The following CTBP2 variants were observed in gnomAD, a reference collection of about 807,000 sequenced individuals.
CTBP2 encodes the protein C-terminal-binding protein 2.
A neutral mutation model predicts 80.3 loss-of-function variants in CTBP2; 30 were observed. The observed-to-expected ratio is 0.37, with a 90% CI of 0.28 to 0.51. The LOEUF is 0.51. Among genes scored for constraint, CTBP2 ranks in the 20% least tolerant of loss-of-function variants. CTBP2 has a pLI of 0.93. For missense variants in CTBP2, 1,212 were observed against 1,375.3 expected, an observed-to-expected ratio of 0.88 and a Z score of 1.88; for synonymous variants, 594 against 587.4, an observed-to-expected ratio of 1.01 and a Z score of -0.16.
intron 2 of CTBP2, among the ~76,000 whole-genome samples, chr10:125,055,523 T>C (rs1178319422): frequency 7.9e-5 from 12 of 152,130 alleles, no homozygotes; most frequent in African/African-American, 2.9e-4. Flanking sequence ...TAGTCCTATG[T>C]CCTTAGGACC....
intron 2 of CTBP2, chr10:125,100,671 TGA>T (rs1850475587): frequency 6.6e-6 from 1 of 152,200 alleles, no homozygotes; most frequent in Non-Finnish European, 1.5e-5. Context: ...GAGATAAGGA[TGA>T]GAGGAAAAAC....
At chr10:125,072,634 G>GAAAAAAA (rs55742060) in intron 2 of CTBP2, among the ~76,000 whole-genome samples, 26 of 100,142 alleles carry the variant, frequency 2.6e-4, no homozygotes, top group East Asian at 6.0e-4. Flanking sequence ...AAAAAGAAAA[G>GAAAAAAA]AAAAAAAAAA....
At chr10:125,151,703 C>T (rs1041191) in intron 1 of CTBP2, among the ~76,000 whole-genome samples, 111,088 of 152,162 alleles carry the variant, frequency 0.73, 41,416 homozygotes, top group African/African-American at 0.84. Flanking sequence ...ACCAGGTCCC[C>T]GCCCCTGCTC....
chr10:125,064,598 C>CA (rs1452918384), intron 2 of CTBP2, among the ~76,000 whole-genome samples: 1 of 152,212 alleles, frequency 6.6e-6, no homozygotes, highest in African/African-American at 2.4e-5. Context: ...TATTTATAGT[C>CA]AGAGTGCGTG....
intron 1 of CTBP2, among the ~76,000 whole-genome samples, chr10:125,015,007 C>A (rs896100992): frequency 6.6e-6 from 1 of 152,192 alleles, no homozygotes; most frequent in East Asian, 1.9e-4. Flanking sequence ...AGATACTCTG[C>A]GGTGTGGAGG....
intron 2 of CTBP2, among the ~76,000 whole-genome samples, chr10:125,105,780 T>C (rs1201579507): frequency 6.6e-6 from 1 of 152,096 alleles, no homozygotes; most frequent in African/African-American, 2.4e-5. Context: ...CAGAAAGAAA[T>C]AACCTTTTCC....
chr10:124,996,056 T>TTTTTTG (rs1565023420), intron 4 of CTBP2: 1 of 150,696 alleles, frequency 6.6e-6, no homozygotes, highest in African/African-American at 2.5e-5. Context: ...TTGTTTTTTT[T>TTTTTTG]TTTTTTTTTT....
At chr10:125,127,953 G>A (rs1021680893) in intron 1 of CTBP2, among the ~76,000 whole-genome samples, 1 of 152,162 alleles carries the variant, frequency 6.6e-6, no homozygotes, top group African/African-American at 2.4e-5. Context: ...CCTGAAAGAG[G>A]TAGGATATAA....
In CTBP2 at chr10:125,065,994, A is replaced by T. The variant is rs3889907; in HGVS notation, c.-101-26839T>A. Among the ~76,000 whole-genome samples the T allele has an allele frequency of 8.4e-3, 1,275 of 151,198 alleles. 18 individuals are homozygous for T. The highest frequency in any genetic ancestry group is 0.029 in the African/African-American group (1,202 of 41,058). ...CATGCGCCTGTAATCCCAGCTACCC[A>T]GGTGGCTGAGGTGGGAGGATCGCTT... is the stretch of plus-strand genomic sequence containing the variant. On this transcript the variant is annotated intron_variant, in intron 2 of 10. Coordinates refer to the CTBP2 transcript ENST00000337195.
chr10:125,006,025 C>G (rs753802165), intron 1 of CTBP2: 39 of 1,416,746 alleles, frequency 2.8e-5, no homozygotes, highest in Non-Finnish European at 3.5e-5. Flanking sequence ...AGATGTCCAT[C>G]CGCAGCATCA....
chr10:125,111,938 G>A (rs1192251685), intron 1 of CTBP2, among the ~76,000 whole-genome samples: 1 of 152,060 alleles, frequency 6.6e-6, no homozygotes, highest in East Asian at 1.9e-4. Context: ...TAACTGGAGA[G>A]CCCATGTATG....
At chr10:125,152,456 C>G (rs984202744) in intron 1 of CTBP2, among the ~76,000 whole-genome samples, 3 of 152,226 alleles carry the variant, frequency 2.0e-5, no homozygotes, top group African/African-American at 7.2e-5. Context: ...CCCAGGCCCC[C>G]CACACCGCGA....
intron 2 of CTBP2, among the ~76,000 whole-genome samples, chr10:125,082,292 G>A (rs570669118): frequency 3.3e-5 from 5 of 152,302 alleles, no homozygotes; most frequent in African/African-American, 1.2e-4. Flanking sequence ...GGCCAGATGG[G>A]CTGCCTCTTA....
intron 2 of CTBP2, among the ~76,000 whole-genome samples, chr10:125,080,873 C>A (rs540246447): frequency 6.6e-6 from 1 of 150,824 alleles, no homozygotes; most frequent in East Asian, 2.0e-4. Context: ...GTCACCTCCA[C>A]AAATTAAGGG....
intron 1 of CTBP2, among the ~76,000 whole-genome samples, chr10:125,122,432 AGCAT>A (rs1854490801): frequency 6.6e-6 from 1 of 152,258 alleles, no homozygotes; most frequent in South Asian, 2.1e-4. Flanking sequence ...TTTTCACTGA[AGCAT>A]GCCAAAGCCA....
intron 2 of CTBP2, among the ~76,000 whole-genome samples, chr10:125,049,931 G>C (rs377630609): frequency 6.6e-6 from 1 of 152,192 alleles, no homozygotes; most frequent in Non-Finnish European, 1.5e-5. Context: ...CACCGCCCCA[G>C]TGCACAGCTC....
chr10:125,139,510 A>G (rs1857464694), intron 1 of CTBP2, among the ~76,000 whole-genome samples: 1 of 151,790 alleles, frequency 6.6e-6, no homozygotes, highest in Non-Finnish European at 1.5e-5. Context: ...AATACTGCAC[A>G]CCCCTAAAAG....
intron 2 of CTBP2, among the ~76,000 whole-genome samples, chr10:125,053,983 C>T (rs1392950757): frequency 1.3e-5 from 2 of 152,086 alleles, no homozygotes; most frequent in African/African-American, 4.8e-5. Context: ...AATCCGAAGC[C>T]GGATAGCTCT....
intron 2 of CTBP2, among the ~76,000 whole-genome samples, chr10:125,081,363 T>C (rs554316956): frequency 1.3e-5 from 2 of 152,366 alleles, no homozygotes; most frequent in East Asian, 3.8e-4. Context: ...AAGATCTGAA[T>C]ATTAGATATG....
Sources: allele counts gnomAD v4.1 joint callset (sites outside exome capture counted in the v4.1 genomes callset), GRCh38; gene constraint gnomAD v4.1.1; transcripts MANE v1.5; gene names NCBI Gene and HGNC (gene_info 2026-07-23, HGNC 2026-07-21).